Variants in DGKG observed in about 807,000 individuals in gnomAD.
The protein encoded by DGKG is DAG kinase gamma.
DGKG carries 78 observed loss-of-function variants against 105.3 expected under a neutral mutation model. The ratio of observed to expected loss-of-function variants is 0.74; its 90% confidence interval spans 0.62 to 0.89. DGKG has a LOEUF of 0.89. DGKG is among the 40% of genes least tolerant of loss of function. The probability of loss-of-function intolerance (pLI) is 0.00; values close to 1 mark genes in which losing one functional copy is unlikely to be tolerated. For missense variants in DGKG, 958 were observed against 1,020.1 expected, an observed-to-expected ratio of 0.94 and a Z score of 0.83; for synonymous variants, 346 against 367.1, an observed-to-expected ratio of 0.94 and a Z score of 0.66.
intron 24 of DGKG, among the ~76,000 whole-genome samples, chr3:186,156,770 TTTAA>T (rs2108472138): frequency 6.6e-6 from 1 of 152,178 alleles, no homozygotes; most frequent in African/African-American, 2.4e-5. Context: ...TATTTTAAGC[TTTAA>T]TTATATCCTT....
intron 1 of DGKG, among the ~76,000 whole-genome samples, chr3:186,355,980 C>T (rs1352265763): frequency 6.6e-6 from 1 of 152,130 alleles, no homozygotes; most frequent in Non-Finnish European, 1.5e-5. Context: ...AACAAAATTG[C>T]TTCTTTGACA....
chr3:186,183,123 A>G (rs1310703995), intron 22 of DGKG, among the ~76,000 whole-genome samples: 1 of 152,098 alleles, frequency 6.6e-6, no homozygotes, highest in East Asian at 1.9e-4. Flanking sequence ...AATACTTCCT[A>G]TTTCCTGAGT....
chr3:186,287,385 A>G (rs7614560), intron 6 of DGKG, among the ~76,000 whole-genome samples: 47,015 of 152,040 alleles, frequency 0.31, 8,937 homozygotes, highest in African/African-American at 0.54. Flanking sequence ...AATGGTGGGA[A>G]GTATAAACAC....
chr3:186,269,246 G>A (rs1722203979), intron 11 of DGKG, among the ~76,000 whole-genome samples: 1 of 152,264 alleles, frequency 6.6e-6, no homozygotes, highest in South Asian at 2.1e-4. Flanking sequence ...AGAGTGATGT[G>A]TTTGTATGCG....
chr3:186,289,016 T>A (rs1234511973), intron 5 of DGKG, 136 bp from the exon 6 acceptor site: 1 of 804,512 alleles, frequency 1.2e-6, no homozygotes, highest in Non-Finnish European at 1.9e-6. Context: ...GTTACATAGA[T>A]GTGACCAAAT....
At chr3:186,305,107 G>A (rs1034134973) in intron 3 of DGKG, among the ~76,000 whole-genome samples, 1 of 152,200 alleles carries the variant, frequency 6.6e-6, no homozygotes, top group African/African-American at 2.4e-5. Flanking sequence ...ACACAGCAGT[G>A]AACAAAAATA....
At chr3:186,347,472 G>A (rs866042038) in intron 1 of DGKG, among the ~76,000 whole-genome samples, 6 of 148,704 alleles carry the variant, frequency 4.0e-5, no homozygotes, top group Middle Eastern at 3.6e-3. Context: ...AAAAAAAAAG[G>A]AAATGATTAA....
At chr3:186,314,509 C>T (rs942174776) in intron 2 of DGKG, among the ~76,000 whole-genome samples, 10 of 152,172 alleles carry the variant, frequency 6.6e-5, no homozygotes, top group African/African-American at 2.2e-4. Context: ...AGTCCCAGCA[C>T]TTTGGGAGGT....
intron 1 of DGKG, among the ~76,000 whole-genome samples, chr3:186,344,405 T>C (rs563046338): frequency 6.6e-6 from 1 of 152,294 alleles, no homozygotes; most frequent in Admixed American, 6.5e-5. Flanking sequence ...TATACAGTGA[T>C]AAAAAGAACG....
intron 5 of DGKG, 77 bp downstream of exon 5, chr3:186,297,344 G>A: frequency 9.1e-7 from 1 of 1,103,104 alleles, no homozygotes; most frequent in Admixed American, 1.7e-5. Flanking sequence ...CAGCACTGTT[G>A]GTTAGGTTTC....
chr3:186,352,742 G>A (rs537111989), intron 1 of DGKG, among the ~76,000 whole-genome samples: 16 of 152,168 alleles, frequency 1.1e-4, no homozygotes, highest in African/African-American at 3.9e-4. Context: ...ACTGCCATTG[G>A]TTTAGCCCTC....
intron 2 of DGKG, among the ~76,000 whole-genome samples, chr3:186,314,683 G>A (rs1724729651): frequency 6.6e-6 from 1 of 151,462 alleles, no homozygotes; most frequent in Admixed American, 6.6e-5. Context: ...GAACCCGGGA[G>A]GCGGAGGTTG....
chr3:186,179,677 C>T (rs766343833), intron 22 of DGKG, among the ~76,000 whole-genome samples: 2 of 152,226 alleles, frequency 1.3e-5, no homozygotes, highest in Non-Finnish European at 2.9e-5. Flanking sequence ...AACATACCTG[C>T]CCTAACCTGG....
At chr3:186,290,587 A>G (rs1560136264) in intron 5 of DGKG, among the ~76,000 whole-genome samples, 1 of 152,208 alleles carries the variant, frequency 6.6e-6, no homozygotes, top group Non-Finnish European at 1.5e-5. Context: ...AGAAGATGAG[A>G]TGACTCCTAC....
At chr3:186,192,477 C>T (rs1717953292) in intron 21 of DGKG, among the ~76,000 whole-genome samples, 1 of 152,136 alleles carries the variant, frequency 6.6e-6, no homozygotes, top group Non-Finnish European at 1.5e-5. Context: ...TGAGAGCTTT[C>T]TAGGGCACTG....
chr3:186,343,082 A>C (rs1038998262), intron 1 of DGKG, among the ~76,000 whole-genome samples: 8 of 152,170 alleles, frequency 5.3e-5, no homozygotes, highest in African/African-American at 1.9e-4. Context: ...ACTATGGGCC[A>C]AAAAAAGTTG....
At chr3:186,302,908 C>T (rs903697857) in intron 3 of DGKG, among the ~76,000 whole-genome samples, 1 of 152,096 alleles carries the variant, frequency 6.6e-6, no homozygotes, top group African/African-American at 2.4e-5. Context: ...AGAATAAACC[C>T]AGAAGCACAG....
At chr3:186,280,945 T>G in intron 7 of DGKG, 1 of 540,772 alleles carries the variant, frequency 1.8e-6, no homozygotes, top group Non-Finnish European at 3.3e-6. Flanking sequence ...AGAGCATGCA[T>G]AAGCTGGAGG....
chr3:186,280,945 T>C, intron 7 of DGKG: 1 of 540,772 alleles, frequency 1.8e-6, no homozygotes, highest in South Asian at 2.3e-5. Context: ...AGAGCATGCA[T>C]AAGCTGGAGG....
Sources: allele counts gnomAD v4.1 joint callset (sites outside exome capture counted in the v4.1 genomes callset), GRCh38; gene constraint gnomAD v4.1.1; transcripts MANE v1.5; gene names NCBI Gene and HGNC (gene_info 2026-07-23, HGNC 2026-07-21).